ACACA: variants seen among roughly 807,000 people sequenced by gnomAD.
The protein encoded by ACACA is acetyl-CoA carboxylase 1.
A neutral mutation model predicts 296.1 loss-of-function variants in ACACA; 103 were observed. The ratio of observed to expected loss-of-function variants is 0.35; its 90% CI spans 0.30 to 0.41. The LOEUF (loss-of-function observed/expected upper bound fraction) is 0.41. Ranked by LOEUF, ACACA falls within the 10% of genes least tolerant of loss-of-function variation. The pLI is 1.00. For missense variants in ACACA, 1,554 were observed against 2,989.7 expected (o/e 0.52, Z 11.20); for synonymous variants, 953 against 1,038.6 (o/e 0.92, Z 1.58).
In ACACA at chr17:37,299,414, G is replaced by A. The variant is rs1364904891; in HGVS notation, c.339-14444C>T. The A allele has an allele frequency of 1.9e-6, 3 of 1,609,032 alleles. No homozygotes were observed. In the East Asian group the frequency reaches 6.7e-5, roughly 36 times the overall value. ...AGCCGCAGTTCCTCCTCCTGTTGCA[G>A]CTGCTTAAAACCCAGGAGGACAAGA... On this transcript the variant is annotated intron_variant, in intron 3 of 55. Transcript: ENST00000616317.
chr17:37,150,097 T>C (rs2075973796), intron 44 of ACACA, 123 bp from the exon 45 acceptor site: 1 of 839,092 alleles, frequency 1.2e-6, no homozygotes, highest in East Asian at 2.6e-5. Context: ...TGAAGTCTAT[T>C]TGATTGACAA....
chr17:37,253,055 A>G lies in ACACA; in HGVS notation c.1827-19T>C, dbSNP rs199871492. On this transcript the variant is annotated intron_variant, in intron 14 of 55. Transcript: ENST00000616317. ...CATGTTTCTGGGAGAACAGAAGCCA[A>G]TCTGTTTCAGCAACAAACACTTTAA... 2 of 1,614,196 alleles carry G rather than the reference A, an allele frequency of 1.2e-6. No individual in the cohort carries two copies. Among genetic ancestry groups the G allele is most frequent in the East Asian group, 2.2e-5 (1 of 44,878 alleles).
At chr17:37,235,175 C>T in intron 24 of ACACA, 76 bp from the exon 25 acceptor site, 1 of 1,561,386 alleles carries the variant, frequency 6.4e-7, no homozygotes, top group Non-Finnish European at 8.8e-7. Context: ...TTTGTACTGT[C>T]TATAATTTAT....
intron 29 of ACACA, among the ~76,000 whole-genome samples, chr17:37,214,166 T>C (rs1337656481): frequency 2.0e-5 from 3 of 152,222 alleles, no homozygotes; most frequent in South Asian, 2.1e-4. Flanking sequence ...AGCAGTACCA[T>C]AGGAGAAAGA....
chr17:37,396,213 G>A (rs1323941063), intron 1 of ACACA, among the ~76,000 whole-genome samples: 1 of 151,850 alleles, frequency 6.6e-6, no homozygotes, highest in Non-Finnish European at 1.5e-5. Flanking sequence ...GGTGGCACAT[G>A]CCTGTAATCC....
At chr17:37,373,183 C>G (rs1391355319) in intron 1 of ACACA, among the ~76,000 whole-genome samples, 1 of 151,952 alleles carries the variant, frequency 6.6e-6, no homozygotes, top group Non-Finnish European at 1.5e-5. Context: ...CCGGCCTACT[C>G]CTGGATATTT....
intron 52 of ACACA, among the ~76,000 whole-genome samples, chr17:37,105,464 G>A (rs970778097): frequency 5.3e-5 from 8 of 150,652 alleles, no homozygotes; most frequent in Non-Finnish European, 7.4e-5. Context: ...GCGACAGTGC[G>A]AGGCTCCATC....
intron 2 of ACACA, among the ~76,000 whole-genome samples, chr17:37,332,800 C>T (rs2047944455): frequency 6.6e-6 from 1 of 151,502 alleles, no homozygotes; most frequent in South Asian, 2.1e-4. Flanking sequence ...ATCCCAGCTA[C>T]TCGGGAGGCT....
intron 3 of ACACA, among the ~76,000 whole-genome samples, chr17:37,313,172 A>G (rs929839334): frequency 4.6e-5 from 7 of 152,138 alleles, no homozygotes; most frequent in African/African-American, 1.7e-4. Context: ...GGAGAGCATC[A>G]GGAAGAATAG....
intron 1 of ACACA, among the ~76,000 whole-genome samples, chr17:37,399,586 T>G (rs1223599469): frequency 1.3e-5 from 2 of 152,174 alleles, no homozygotes; most frequent in African/African-American, 4.8e-5. Flanking sequence ...TTAGCAACAA[T>G]ATATTTCTAG....
At chr17:37,317,058 A>G (rs2047127333) in intron 3 of ACACA, among the ~76,000 whole-genome samples, 1 of 149,298 alleles carries the variant, frequency 6.7e-6, no homozygotes, top group Non-Finnish European at 1.5e-5. Context: ...TGGGTGACAG[A>G]GACCCTGTCA....
At position 37,383,554 on chromosome 17, in the gene ACACA, A is replaced by G. The variant is rs529354500; in HGVS notation, c.38+22708T>C. 2.6e-5 allele frequency among the ~76,000 whole-genome samples: 4 copies of G among 152,188 alleles called. No individual in the cohort carries two copies. The South Asian group carries it at 6.2e-4, about 24-fold the overall frequency. Reference sequence around the variant, plus strand: ...CATAATGATGAATCCCAAAAAACCTATTTATTTATTTGAGACAGAGTCTCG... The same window carrying G: ...CATAATGATGAATCCCAAAAAACCTGTTTATTTATTTGAGACAGAGTCTCG... On this transcript the variant is annotated intron_variant, in intron 1 of 55. Transcript: ENST00000616317.
At chr17:37,290,965 C>A (rs2083023928) in intron 3 of ACACA, among the ~76,000 whole-genome samples, 1 of 151,198 alleles carries the variant, frequency 6.6e-6, no homozygotes, top group African/African-American at 2.4e-5. Context: ...GCCTGTAGTC[C>A]CAGCTACTTG....
chr17:37,381,246 C>T lies in ACACA; in HGVS notation c.38+25016G>A, dbSNP rs574615342. The stretch of plus-strand genomic sequence containing the variant: ...TGTCACCCAGGCTGGAGCGCAGTGG[C>T]GCGATCTCGTCTCACTGCAACCTCC... On this transcript the variant is annotated intron_variant, in intron 1 of 55. Coordinates refer to ENST00000616317, the MANE Select transcript of ACACA (RefSeq NM_198834.3). Among the ~76,000 whole-genome samples, 12 of 151,574 alleles carry T rather than the reference C, an allele frequency of 7.9e-5. 1 individual carries two copies. Among genetic ancestry groups the T allele is most frequent in the African/African-American group, 1.2e-4 (5 of 41,252 alleles).
chr17:37,297,676 A>C (rs1302305929), intron 3 of ACACA, among the ~76,000 whole-genome samples: 1 of 151,656 alleles, frequency 6.6e-6, no homozygotes, highest in Non-Finnish European at 1.5e-5. Flanking sequence ...TTGGCCTCCC[A>C]AGTAGATGAG....
chr17:37,227,400 C>A (rs948906055), intron 25 of ACACA, among the ~76,000 whole-genome samples: 1 of 152,030 alleles, frequency 6.6e-6, no homozygotes, highest in Admixed American at 6.6e-5. Flanking sequence ...GATATCACTA[C>A]CTCTACTTGG....
At chr17:37,162,714 G>T in intron 41 of ACACA, 1 of 235,454 alleles carries the variant, frequency 4.2e-6, no homozygotes, top group Non-Finnish European at 8.2e-6. Context: ...TGCGAATCTT[G>T]CACCTAATCA....
At chr17:37,321,856 A>C (rs2047373055) in intron 3 of ACACA, among the ~76,000 whole-genome samples, 1 of 151,814 alleles carries the variant, frequency 6.6e-6, no homozygotes, top group Non-Finnish European at 1.5e-5. Flanking sequence ...AGGCAGGAGA[A>C]TCACTTGAAC....
chr17:37,342,436 A>AAATATATATAT (rs1555652530), intron 1 of ACACA, among the ~76,000 whole-genome samples: 2 of 58,202 alleles, frequency 3.4e-5, no homozygotes, highest in Non-Finnish European at 5.8e-5. Context: ...AAAAAAAAAA[A>AAATATATATAT]ATATATATAT....
Sources: allele counts gnomAD v4.1 joint callset (sites outside exome capture counted in the v4.1 genomes callset), GRCh38; gene constraint gnomAD v4.1.1; transcripts MANE v1.5; gene names NCBI Gene and HGNC (gene_info 2026-07-23, HGNC 2026-07-21).